GGA3: variants seen among roughly 807,000 people sequenced by gnomAD.
GGA3 encodes ADP-ribosylation factor-binding protein GGA3.
GGA3 carries 57 observed loss-of-function variants against 77.5 expected under a neutral mutation model. The ratio of observed to expected loss-of-function variants is 0.74; its 90% CI spans 0.59 to 0.92. The LOEUF is 0.92. Among genes scored for constraint, GGA3 ranks in the 40% least tolerant of loss-of-function variants. The probability of loss-of-function intolerance (pLI) is 0.00; values close to 1 mark genes in which losing one functional copy is unlikely to be tolerated. For synonymous variants in GGA3, 416 were observed against 383.7 expected (o/e 1.08, Z -0.98); for missense variants, 970 against 914.9 (o/e 1.06, Z -0.78).
chr17:75,244,576 AC>A, intron 4 of GGA3, 42 bp downstream of exon 4: 2 of 1,195,442 alleles, frequency 1.7e-6, no homozygotes, highest in Non-Finnish European at 2.5e-6. Flanking sequence ...GGGAATGAAC[AC>A]AAAAGAAGTC....
At chr17:75,240,711 C>G in intron 11 of GGA3, 101 bp downstream of exon 11, 3 of 1,324,660 alleles carry the variant, frequency 2.3e-6, no homozygotes, top group Non-Finnish European at 3.0e-6. Context: ...TTGCCCACCC[C>G]AACAGTCACA....
chr17:75,240,794 GC>G lies in GGA3; in HGVS notation c.1192+17del, dbSNP rs1400805099. ...AGCCCTGTCAGGGGATGCCCCTGAC[GC>G]CCCCTGTGGGCCGCACCCAAGCAGA... On this transcript the variant is annotated intron_variant, in intron 11 of 16. Transcript: ENST00000537686. 4 of 1,595,330 alleles carry G rather than the reference GC, an allele frequency of 2.5e-6. No homozygotes were observed. In the African/African-American group the frequency reaches 4.0e-5, roughly 16 times the overall value.
chr17:75,256,902 A>T (rs180818435), intron 1 of GGA3, among the ~76,000 whole-genome samples: 45 of 150,916 alleles, frequency 3.0e-4, no homozygotes, highest in African/African-American at 1.1e-3. Context: ...AGGCCACCGC[A>T]GTCATTTCTT....
intron 1 of GGA3, among the ~76,000 whole-genome samples, chr17:75,252,160 C>G (rs916262877): frequency 6.6e-6 from 1 of 151,852 alleles, no homozygotes; most frequent in African/African-American, 2.4e-5. Context: ...TCACTGCAGT[C>G]TCTGCCTCCC....
At chr17:75,241,141 G>C in intron 10 of GGA3, 84 bp from the exon 11 acceptor site, 1 of 1,475,602 alleles carries the variant, frequency 6.8e-7, no homozygotes. Flanking sequence ...TAGGCACAGA[G>C]GTCACTGCTA....
chr17:75,238,474 AG>A, intron 16 of GGA3, 85 bp from the exon 17 acceptor site: 1 of 1,234,002 alleles, frequency 8.1e-7, no homozygotes, highest in Non-Finnish European at 1.2e-6. Context: ...TCTGTGCTAG[AG>A]GAATGGTCCC....
chr17:75,256,900 G>A (rs560602282), intron 1 of GGA3, among the ~76,000 whole-genome samples: 46 of 150,850 alleles, frequency 3.0e-4, no homozygotes, highest in African/African-American at 1.1e-3. Context: ...GAAGGCCACC[G>A]CAGTCATTTC....
chr17:75,257,288 C>T (rs112050589), intron 1 of GGA3, among the ~76,000 whole-genome samples: 2 of 133,364 alleles, frequency 1.5e-5, no homozygotes, highest in African/African-American at 2.6e-5. Flanking sequence ...GCCCCCCCCC[C>T]CAAAAAAAAC....
intron 4 of GGA3, 112 bp from the exon 5 acceptor site, chr17:75,243,682 A>ACC: frequency 9.6e-7 from 1 of 1,037,540 alleles, no homozygotes; most frequent in South Asian, 1.5e-5. Context: ...GTCCTACTCA[A>ACC]AATCTGCAGG....
intron 14 of GGA3, 42 bp from the exon 15 acceptor site, chr17:75,239,125 G>C (rs377573773): frequency 5.7e-6 from 9 of 1,582,112 alleles, no homozygotes; most frequent in Non-Finnish European, 6.0e-6. Context: ...CAGCACCAGA[G>C]ACACCCAACA....
At position 75,237,693 on chromosome 17, in the gene GGA3, G is replaced by A. The variant is rs906688003; in HGVS notation, c.*586C>T. The A allele has an allele frequency of 1.5e-5, 22 of 1,458,988 alleles. No individual in the cohort carries two copies. Among genetic ancestry groups the A allele is most frequent in the South Asian group, 4.2e-5 (3 of 71,892 alleles). 90.4% of individuals were successfully genotyped at this position (1,458,988 alleles called of 1,614,324 possible). A position where few individuals can be genotyped will look rare whatever the true frequency, so the allele number is the denominator to read the frequency against. Reference sequence around the variant, plus strand: ...CATCACTCCGTGGCCATTCCAGGACGATGCTGTCCACCAGAGGCAGGGCTG... The same window carrying A: ...CATCACTCCGTGGCCATTCCAGGACAATGCTGTCCACCAGAGGCAGGGCTG... On this transcript the variant is annotated 3_prime_UTR_variant, in exon 17 of 17. Coordinates refer to ENST00000537686, the MANE Select transcript of GGA3 (RefSeq NM_138619.4).
At chr17:75,246,840 T>A (rs765148397) in intron 1 of GGA3, 44 bp from the exon 2 acceptor site, 1 of 1,510,156 alleles carries the variant, frequency 6.6e-7, no homozygotes, top group Admixed American at 1.7e-5. Context: ...GGAAGAGCAA[T>A]GAGGATGCAA....
At chr17:75,256,710 A>G (rs1233775822) in intron 1 of GGA3, among the ~76,000 whole-genome samples, 1 of 150,416 alleles carries the variant, frequency 6.6e-6, no homozygotes, top group Non-Finnish European at 1.5e-5. Flanking sequence ...CTATTCTACT[A>G]CTCCTCAGGG....
At chr17:75,259,133 T>C (rs2077258349) in intron 1 of GGA3, among the ~76,000 whole-genome samples, 1 of 151,988 alleles carries the variant, frequency 6.6e-6, no homozygotes, top group Admixed American at 6.6e-5. Context: ...TTTTGTATTT[T>C]TTAGTAGAGA....
chr17:75,258,155 T>C (rs2077220778), intron 1 of GGA3, among the ~76,000 whole-genome samples: 1 of 152,198 alleles, frequency 6.6e-6, no homozygotes, highest in Non-Finnish European at 1.5e-5. Flanking sequence ...CTGTAAGAAC[T>C]AATGATAATC....
intron 14 of GGA3, 23 bp from the exon 15 acceptor site, chr17:75,239,106 T>G (rs1280369471): frequency 6.2e-7 from 1 of 1,606,280 alleles, no homozygotes. Flanking sequence ...GACGTGAGTG[T>G]GGGAGGAGCA....
In GGA3 at chr17:75,237,397, G is replaced by A; in HGVS notation, c.*882C>T. 1 of 1,246,384 alleles carries A rather than the reference G, an allele frequency of 8.0e-7. No homozygotes were observed. 77.2% of individuals were successfully genotyped at this position (1,246,384 alleles called of 1,614,324 possible). On this transcript the variant is annotated 3_prime_UTR_variant, in exon 17 of 17. Transcript: ENST00000537686. ...CTGGTGAGAGGAGAGGGAGGCCAAA[G>A]CAGTAGGATGTAGAGTGGCGGTAGA...
Position 75,237,199 on chromosome 17 carries a change from T to G in GGA3, c.*1080A>C. On this transcript the variant is annotated 3_prime_UTR_variant, in exon 17 of 17. Transcript: ENST00000537686. ...AAGCAATAGGGTCTGGTGACTCAGC[T>G]CAAGTGTGGCCCGATCTCATCACCT... The G allele has an allele frequency of 1.8e-6, 1 of 554,946 alleles. No individual in the cohort carries two copies. The highest frequency in any genetic ancestry group is 3.2e-5 in the Admixed American group (1 of 31,038). The allele number at this position is 554,946 out of a possible 1,614,324, so 34.4% of individuals were successfully genotyped here.
rs1598472180 is a variant in GGA3, at chr17:75,261,597, G to T, written c.-10C>A. On this transcript the variant is annotated 5_prime_UTR_variant, in exon 1 of 17. Transcript: ENST00000537686. ...CTTCCGCCTCCGCCATATTGCAGCC[G>T]CCCGGCCCCGCGGCTTCAAAACTCG... 2 of 1,539,254 alleles carry T rather than the reference G, an allele frequency of 1.3e-6. No homozygotes were observed. Among genetic ancestry groups the T allele is most frequent in the Non-Finnish European group, 1.7e-6 (2 of 1,144,206 alleles).
Sources: allele counts gnomAD v4.1 joint callset (sites outside exome capture counted in the v4.1 genomes callset), GRCh38; gene constraint gnomAD v4.1.1; transcripts MANE v1.5; gene names NCBI Gene and HGNC (gene_info 2026-07-23, HGNC 2026-07-21).